Variants in SORCS2 observed in about 807,000 individuals in gnomAD.
The protein encoded by SORCS2 is sortilin related VPS10 domain containing receptor 2, also known as VPS10 domain-containing receptor SorCS2.
In SORCS2, 100 loss-of-function variants were observed where a neutral mutation model predicts 141.6. The ratio of observed to expected loss-of-function variants is 0.71; its 90% CI spans 0.60 to 0.83. The LOEUF (loss-of-function observed/expected upper bound fraction) is 0.83, where lower values mean the gene tolerates loss of function less well. Among genes scored for constraint, SORCS2 ranks in the 40% least tolerant of loss-of-function variants. The pLI, the probability that SORCS2 is intolerant of heterozygous loss-of-function variation, is 0.00. For missense variants in SORCS2, 1,646 were observed against 1,560.2 expected (o/e 1.05, Z -0.93); for synonymous variants, 789 against 676.9 (o/e 1.17, Z -2.57).
chr4:7,364,145 CATT>C (rs774109654), intron 1 of SORCS2, among the ~76,000 whole-genome samples: 19 of 152,352 alleles, frequency 1.2e-4, no homozygotes, highest in Non-Finnish European at 2.6e-4. Context: ...TCATCATCAT[CATT>C]ATTGTCATCA....
chr4:7,677,832 TCCACCTGCTAGGCAGCGCCCACCC>T (rs1723264384), intron 9 of SORCS2, among the ~76,000 whole-genome samples: 1 of 152,106 alleles, frequency 6.6e-6, no homozygotes, highest in Non-Finnish European at 1.5e-5. Context: ...GCGGCCCTCC[TCCACCTGCTAGGCAGCGCCCACCC>T]CCACCCCTAG....
chr4:7,724,117 G>GGTC (rs1726802047), intron 19 of SORCS2, among the ~76,000 whole-genome samples: 128 of 87,966 alleles, frequency 1.5e-3, no homozygotes, highest in African/African-American at 4.2e-3. Context: ...TGGTGGTGAT[G>GGTC]GTGGTGGTGG....
intron 3 of SORCS2, among the ~76,000 whole-genome samples, chr4:7,625,113 A>G (rs1719436127): frequency 1.3e-5 from 2 of 152,192 alleles, no homozygotes; most frequent in Non-Finnish European, 2.9e-5. Context: ...TAAATTTACA[A>G]ATGTTCTCAA....
At chr4:7,685,834 C>A (rs1577073292) in intron 10 of SORCS2, among the ~76,000 whole-genome samples, 1 of 152,178 alleles carries the variant, frequency 6.6e-6, no homozygotes, top group South Asian at 2.1e-4. Context: ...CCTGCAGCCA[C>A]ACAGCCTCTC....
At chr4:7,504,645 G>A (rs934588080) in intron 2 of SORCS2, among the ~76,000 whole-genome samples, 1 of 152,220 alleles carries the variant, frequency 6.6e-6, no homozygotes, top group Non-Finnish European at 1.5e-5. Context: ...TGGTCACACA[G>A]AGCCACATTT....
At chr4:7,342,718 A>G (rs1051755178) in intron 1 of SORCS2, among the ~76,000 whole-genome samples, 1 of 152,152 alleles carries the variant, frequency 6.6e-6, no homozygotes, top group Non-Finnish European at 1.5e-5. Flanking sequence ...TGTGTCCCCT[A>G]TAAAGTTTCA....
intron 2 of SORCS2, among the ~76,000 whole-genome samples, chr4:7,463,739 C>T (rs1411859778): frequency 1.3e-5 from 2 of 152,286 alleles, no homozygotes; most frequent in East Asian, 3.9e-4. Flanking sequence ...TCTCCTGCAC[C>T]GCTCTGGAGC....
chr4:7,416,330 C>T (rs1210559063), intron 2 of SORCS2, among the ~76,000 whole-genome samples: 1 of 152,112 alleles, frequency 6.6e-6, no homozygotes, highest in Non-Finnish European at 1.5e-5. Flanking sequence ...GGTGCTTGGC[C>T]CACAGAGCTC....
At chr4:7,307,072 T>C (rs995242847) in intron 1 of SORCS2, among the ~76,000 whole-genome samples, 1 of 152,182 alleles carries the variant, frequency 6.6e-6, no homozygotes, top group South Asian at 2.1e-4. Context: ...CCTGCTGTGA[T>C]TGGGAGAAAC....
At chr4:7,412,432 C>T (rs1308877545) in intron 2 of SORCS2, among the ~76,000 whole-genome samples, 1 of 152,174 alleles carries the variant, frequency 6.6e-6, no homozygotes, top group Non-Finnish European at 1.5e-5. Flanking sequence ...CTCTCCCTGG[C>T]AGAGTGACAG....
chr4:7,252,345 G>A (rs551100271), intron 1 of SORCS2, among the ~76,000 whole-genome samples: 1 of 152,300 alleles, frequency 6.6e-6, no homozygotes, highest in African/African-American at 2.4e-5. Context: ...TGGGCAGGAT[G>A]GGCCCGGGTG....
intron 1 of SORCS2, among the ~76,000 whole-genome samples, chr4:7,334,414 G>A (rs1163707552): frequency 1.3e-5 from 2 of 151,244 alleles, no homozygotes; most frequent in Non-Finnish European, 2.9e-5. Flanking sequence ...CAGCCCCCCA[G>A]GGGCTGGTCC....
At chr4:7,736,058 G>T (rs946411292) in intron 25 of SORCS2, among the ~76,000 whole-genome samples, 7 of 152,246 alleles carry the variant, frequency 4.6e-5, no homozygotes, top group Non-Finnish European at 1.0e-4. Context: ...ATACTTCAAG[G>T]CTCCATCTCA....
chr4:7,356,665 G>T (rs1311219672), intron 1 of SORCS2, among the ~76,000 whole-genome samples: 1 of 152,220 alleles, frequency 6.6e-6, no homozygotes, highest in Non-Finnish European at 1.5e-5. Flanking sequence ...GTGGATTTGG[G>T]TCGGGGGATG....
At chr4:7,327,387 C>T (rs1208608944) in intron 1 of SORCS2, among the ~76,000 whole-genome samples, 1 of 152,222 alleles carries the variant, frequency 6.6e-6, no homozygotes, top group African/African-American at 2.4e-5. Context: ...CTGTGTGTCT[C>T]TGTGTCCAGA....
chr4:7,650,434 G>A (rs952774361), intron 4 of SORCS2, among the ~76,000 whole-genome samples: 3 of 152,162 alleles, frequency 2.0e-5, no homozygotes, highest in Non-Finnish European at 2.9e-5. Flanking sequence ...CCCTCAAAGC[G>A]GGAGGCCAGA....
chr4:7,333,281 G>A (rs945142325), intron 1 of SORCS2, among the ~76,000 whole-genome samples: 1 of 152,204 alleles, frequency 6.6e-6, no homozygotes, highest in African/African-American at 2.4e-5. Context: ...CCCCGGGGCT[G>A]GAGTGACTTC....
chr4:7,561,502 A>T (rs73214662), intron 3 of SORCS2, among the ~76,000 whole-genome samples: 1 of 151,022 alleles, frequency 6.6e-6, no homozygotes, highest in African/African-American at 2.4e-5. Context: ...CTACCCATTC[A>T]TCCATCTATC....
intron 1 of SORCS2, among the ~76,000 whole-genome samples, chr4:7,253,129 A>C (rs1010116656): frequency 1.3e-5 from 2 of 152,266 alleles, no homozygotes; most frequent in African/African-American, 4.8e-5. Context: ...CCTGGTGATC[A>C]CAAAGCCTGG....
Sources: allele counts gnomAD v4.1 joint callset (sites outside exome capture counted in the v4.1 genomes callset), GRCh38; gene constraint gnomAD v4.1.1; transcripts MANE v1.5; gene names NCBI Gene and HGNC (gene_info 2026-07-23, HGNC 2026-07-21).